Variants in SLX4IP observed in about 807,000 individuals in gnomAD.
SLX4IP encodes SLX4 interacting protein.
Under a neutral mutation model 32.9 loss-of-function variants are expected in SLX4IP, and 34 were observed. The observed-to-expected ratio is 1.03, with a 90% CI of 0.79 to 1.38. SLX4IP has a LOEUF of 1.38. SLX4IP is among the 40% of genes most tolerant of loss of function. SLX4IP has a pLI of 0.00. For synonymous variants in SLX4IP, 172 were observed against 171.7 expected (o/e 1.00, Z -0.01); for missense variants, 444 against 479.0 (o/e 0.93, Z 0.68).
At position 10,465,539 on chromosome 20, in the gene SLX4IP, T is replaced by C. The variant is rs562011440; in HGVS notation, c.27+7308T>C. Among the ~76,000 whole-genome samples, 14 of 152,394 alleles carry C rather than the reference T, an allele frequency of 9.2e-5. No homozygotes were observed. The East Asian group carries it at 2.7e-3, about 29-fold the overall frequency. ...TTTGAGATTGAGTCTCGCTTGTTGC[T>C]CTGTCGCCCAGGTTGGAGTGCGGTG... is the stretch of plus-strand genomic sequence containing the variant. On this transcript the variant is annotated intron_variant, in intron 2 of 7. Transcript: ENST00000334534.
intron 1 of SLX4IP, among the ~76,000 whole-genome samples, chr20:10,446,411 CAAAAA>C (rs36181096): frequency 1.5e-3 from 165 of 112,370 alleles, no homozygotes; most frequent in East Asian, 3.6e-3. Flanking sequence ...GACTCTGTCT[CAAAAA>C]AAAAAAAAAA....
At chr20:10,474,783 A>G (rs1400342116) in intron 2 of SLX4IP, among the ~76,000 whole-genome samples, 1 of 152,062 alleles carries the variant, frequency 6.6e-6, no homozygotes, top group Non-Finnish European at 1.5e-5. Flanking sequence ...GCTGAATCAG[A>G]GGTGTTGGGG....
intron 5 of SLX4IP, among the ~76,000 whole-genome samples, chr20:10,599,268 A>G (rs1337557746): frequency 6.6e-6 from 1 of 152,170 alleles, no homozygotes; most frequent in East Asian, 1.9e-4. Context: ...TGAGCACTGG[A>G]AAGAAAATTT....
intron 2 of SLX4IP, among the ~76,000 whole-genome samples, chr20:10,477,908 T>G (rs1425304480): frequency 3.3e-5 from 5 of 151,794 alleles, no homozygotes; most frequent in African/African-American, 1.2e-4. Flanking sequence ...CTTTTTTTTT[T>G]TTTTTTTGAA....
chr20:10,503,429 T>C (rs951445579), intron 2 of SLX4IP, among the ~76,000 whole-genome samples: 7 of 152,158 alleles, frequency 4.6e-5, no homozygotes, highest in Admixed American at 1.3e-4. Flanking sequence ...AGTAGCCAAA[T>C]GTGCTGTTTT....
intron 2 of SLX4IP, among the ~76,000 whole-genome samples, chr20:10,476,364 A>G (rs149576161): frequency 2.0e-5 from 3 of 152,310 alleles, no homozygotes; most frequent in Non-Finnish European, 4.4e-5. Flanking sequence ...TCCCATAGTC[A>G]TCTATGAGTG....
intron 2 of SLX4IP, among the ~76,000 whole-genome samples, chr20:10,527,767 T>C (rs1320477131): frequency 6.6e-6 from 1 of 152,220 alleles, no homozygotes; most frequent in Non-Finnish European, 1.5e-5. Flanking sequence ...CAGTGCAGTA[T>C]GTTTTGGATA....
At chr20:10,497,906 T>TA (rs1458501478) in intron 2 of SLX4IP, among the ~76,000 whole-genome samples, 1 of 151,990 alleles carries the variant, frequency 6.6e-6, no homozygotes, top group Non-Finnish European at 1.5e-5. Context: ...TTGCTTTTTC[T>TA]AAAAAATGGC....
At chr20:10,486,369 G>A (rs1341380120) in intron 2 of SLX4IP, among the ~76,000 whole-genome samples, 1 of 152,062 alleles carries the variant, frequency 6.6e-6, no homozygotes. Context: ...TATTAGAACG[G>A]TAGTGATGAA....
In SLX4IP at chr20:10,623,039, G is replaced by T. The variant is rs778558434; in HGVS notation, c.887G>T (p.Arg296Leu). ...CGAGTGGCCAAAACCCAACAGAAAC[G>T]CAGGAACTGCAGCTCTGCGGAAGAC... ...SPRVAKTQQK[R>L]RNCSSAEDFD... Residue 296 changes from arginine (R) to leucine (L), a missense_variant, in exon 8 of 8, where the codon CGC becomes CTC. Transcript: ENST00000334534. 3.1e-6 allele frequency: 5 copies of T among 1,614,132 alleles called. No homozygotes were observed. The African/African-American group carries it at 5.3e-5, about 17-fold the overall frequency.
At chr20:10,569,534 G>C (rs1034438751) in intron 4 of SLX4IP, among the ~76,000 whole-genome samples, 1 of 152,128 alleles carries the variant, frequency 6.6e-6, no homozygotes, top group African/African-American at 2.4e-5. Flanking sequence ...CATACCACAG[G>C]CCGAGTGGCT....
chr20:10,542,634 A>G (rs2066119383), intron 2 of SLX4IP, among the ~76,000 whole-genome samples: 1 of 152,248 alleles, frequency 6.6e-6, no homozygotes, highest in East Asian at 1.9e-4. Flanking sequence ...AAGGCAGCCT[A>G]ACATGAAATT....
At chr20:10,540,723 T>C (rs1428644652) in intron 2 of SLX4IP, among the ~76,000 whole-genome samples, 1 of 152,144 alleles carries the variant, frequency 6.6e-6, no homozygotes, top group Non-Finnish European at 1.5e-5. Flanking sequence ...AAAAGGAAAG[T>C]AGAGGTGGCT....
At chr20:10,518,259 C>T (rs1009322095) in intron 2 of SLX4IP, among the ~76,000 whole-genome samples, 3 of 152,188 alleles carry the variant, frequency 2.0e-5, no homozygotes, top group African/African-American at 4.8e-5. Flanking sequence ...ATTGATTAAA[C>T]GGACATTGTT....
chr20:10,441,991 C>T (rs143776906), intron 1 of SLX4IP, among the ~76,000 whole-genome samples: 1 of 152,284 alleles, frequency 6.6e-6, no homozygotes, highest in African/African-American at 2.4e-5. Context: ...TGAATTATAG[C>T]TGTAACTTCA....
chr20:10,590,865 A>G (rs2066701310), intron 4 of SLX4IP, among the ~76,000 whole-genome samples: 1 of 152,226 alleles, frequency 6.6e-6, no homozygotes, highest in African/African-American at 2.4e-5. Context: ...ATTCAACTGA[A>G]GTGTGAAGAA....
At chr20:10,605,630 T>C (rs2066897476) in intron 6 of SLX4IP, among the ~76,000 whole-genome samples, 1 of 152,210 alleles carries the variant, frequency 6.6e-6, no homozygotes, top group African/African-American at 2.4e-5. Flanking sequence ...GTAGTGCTAG[T>C]ACTGCCTACA....
chr20:10,608,880 T>G (rs2066934964), intron 6 of SLX4IP, among the ~76,000 whole-genome samples: 1 of 152,130 alleles, frequency 6.6e-6, no homozygotes, highest in African/African-American at 2.4e-5. Context: ...TTATTAATAT[T>G]TTCCCAAGAA....
intron 6 of SLX4IP, among the ~76,000 whole-genome samples, chr20:10,611,201 G>T (rs778697826): frequency 1.4e-4 from 22 of 152,056 alleles, no homozygotes; most frequent in Non-Finnish European, 2.6e-4. Context: ...TGCTTTTATT[G>T]TTGGCAGAAG....
Sources: allele counts gnomAD v4.1 joint callset (sites outside exome capture counted in the v4.1 genomes callset), GRCh38; gene constraint gnomAD v4.1.1; transcripts MANE v1.5; gene names NCBI Gene and HGNC (gene_info 2026-07-23, HGNC 2026-07-21).